Variants in EPHA5 observed in about 807,000 individuals in gnomAD.
EPHA5 encodes the protein ephrin type-A receptor 5.
EPHA5 carries 60 observed loss-of-function variants against 105.0 expected under a neutral mutation model. The ratio of observed to expected loss-of-function variants is 0.57; its 90% CI spans 0.46 to 0.71. The LOEUF is 0.71. Ranked by LOEUF, EPHA5 falls within the 30% of genes least tolerant of loss-of-function variation. The pLI is 0.00. For synonymous variants in EPHA5, 513 were observed against 449.1 expected (o/e 1.14, Z -1.80); for missense variants, 1,218 against 1,274.7 (o/e 0.96, Z 0.68).
At chr4:65,445,500 G>T (rs760650945) in intron 5 of EPHA5, among the ~76,000 whole-genome samples, 28 of 152,076 alleles carry the variant, frequency 1.8e-4, no homozygotes, top group Non-Finnish European at 3.7e-4. Flanking sequence ...TAGTTTCGTA[G>T]TAATGAAGAT....
chr4:65,439,263 T>C (rs1017681291), intron 5 of EPHA5, among the ~76,000 whole-genome samples: 1 of 152,260 alleles, frequency 6.6e-6, no homozygotes, highest in East Asian at 1.9e-4. Flanking sequence ...AAAACTACTT[T>C]ATATTTTGTA....
chr4:65,622,208 T>TATATTACA (rs1745763706), intron 2 of EPHA5, among the ~76,000 whole-genome samples: 1 of 152,148 alleles, frequency 6.6e-6, no homozygotes, highest in African/African-American at 2.4e-5. Flanking sequence ...TTTGGTTTGG[T>TATATTACA]GTTCTCTTCC....
At chr4:65,374,849 G>C (rs1030595000) in intron 8 of EPHA5, among the ~76,000 whole-genome samples, 3 of 151,868 alleles carry the variant, frequency 2.0e-5, no homozygotes, top group African/African-American at 7.2e-5. Context: ...TTGACATGGT[G>C]ATTGGAAATG....
At chr4:65,579,225 A>G (rs923849589) in intron 3 of EPHA5, among the ~76,000 whole-genome samples, 2 of 151,326 alleles carry the variant, frequency 1.3e-5, no homozygotes, top group African/African-American at 2.4e-5. Context: ...TAAAATTTCT[A>G]CTGTCCCATC....
rs537654067 is a variant in EPHA5, at chr4:65,548,526, C to T, written c.911-52983G>A. Reference sequence around the variant, plus strand: ...GAATTAATGCTTAATAAAGTAATGGCTGAGAAATTTTCACACTTGATGAAA... The same window carrying T: ...GAATTAATGCTTAATAAAGTAATGGTTGAGAAATTTTCACACTTGATGAAA... On this transcript the variant is annotated intron_variant, in intron 3 of 16. Transcript: ENST00000613740. Among the ~76,000 whole-genome samples the T allele has an allele frequency of 3.3e-5, 5 of 152,022 alleles. No homozygotes were observed. The East Asian group carries it at 9.7e-4, about 29-fold the overall frequency.
At chr4:65,494,946 C>CAGAGAA (rs1560605657) in intron 4 of EPHA5, among the ~76,000 whole-genome samples, 2 of 149,232 alleles carry the variant, frequency 1.3e-5, no homozygotes, top group Admixed American at 1.3e-4. Context: ...GGAAAACTGG[C>CAGAGAA]AGAGAAAGAG....
chr4:65,419,779 T>G (rs1240281181), intron 6 of EPHA5, among the ~76,000 whole-genome samples: 6 of 152,166 alleles, frequency 3.9e-5, no homozygotes. Flanking sequence ...TATGACTCTT[T>G]CATCAATAGC....
At chr4:65,651,258 A>G (rs1441296802) in intron 1 of EPHA5, among the ~76,000 whole-genome samples, 1 of 152,160 alleles carries the variant, frequency 6.6e-6, no homozygotes, top group Non-Finnish European at 1.5e-5. Context: ...AAATTATATC[A>G]TAGAGTTGTT....
At chr4:65,569,958 T>C (rs1247309482) in intron 3 of EPHA5, among the ~76,000 whole-genome samples, 1 of 151,814 alleles carries the variant, frequency 6.6e-6, no homozygotes, top group African/African-American at 2.4e-5. Context: ...ACAAAATATT[T>C]ACAGTCCTAA....
chr4:65,377,719 C>A (rs1166294057), intron 8 of EPHA5, among the ~76,000 whole-genome samples: 3 of 151,998 alleles, frequency 2.0e-5, no homozygotes, highest in African/African-American at 7.2e-5. Flanking sequence ...GATATTGCAA[C>A]ACTCAAGATT....
At chr4:65,648,638 T>C (rs1002759245) in intron 1 of EPHA5, among the ~76,000 whole-genome samples, 59 of 152,360 alleles carry the variant, frequency 3.9e-4, no homozygotes, top group African/African-American at 1.2e-3. Context: ...GCAGATTATA[T>C]GGCCTTCTCT....
At chr4:65,458,626 G>A (rs1727839311) in intron 5 of EPHA5, among the ~76,000 whole-genome samples, 1 of 151,886 alleles carries the variant, frequency 6.6e-6, no homozygotes, top group South Asian at 2.1e-4. Context: ...AGAGTTACTT[G>A]TATCCATATG....
At chr4:65,391,859 G>T (rs935501202) in intron 8 of EPHA5, among the ~76,000 whole-genome samples, 2 of 152,076 alleles carry the variant, frequency 1.3e-5, no homozygotes, top group African/African-American at 4.8e-5. Flanking sequence ...TAAGTCATTT[G>T]ATTCTTTACT....
At position 65,348,139 on chromosome 4, in the gene EPHA5, G is replaced by A. The variant is rs2148842521; in HGVS notation, c.2510C>T (p.Ala837Val). 6.2e-7 allele frequency: 1 copy of A among 1,613,690 alleles called. No homozygotes were observed. Among genetic ancestry groups the A allele is most frequent in the Non-Finnish European group, 8.5e-7 (1 of 1,179,802 alleles). Reference protein sequence around the residue: ...EAIAFRKFTSASDVWSYGIVM... With the variant: ...EAIAFRKFTSVSDVWSYGIVM... ...TATTCCATAACTCCAGACATCACTGGCAGAAGTAAACTTTCGGAAAGCTAT... is the reference window on the plus strand; with the variant it reads ...TATTCCATAACTCCAGACATCACTGACAGAAGTAAACTTTCGGAAAGCTAT... The change falls in exon 14 of 17, where the codon GCC becomes GTC. Residue 837 changes from alanine (A) to valine (V), a missense_variant. Physicochemically the swap from Ala to Val is moderately conservative, Grantham distance 64. Around this residue, in one of 3 missense-constraint regions of EPHA5, gnomAD observed 971 missense variants for 1,013.5 expected, o/e 0.96. Coordinates refer to ENST00000613740, the MANE Select transcript of EPHA5 (RefSeq NM_001281766.3).
chr4:65,572,199 A>C (rs1317555061), intron 3 of EPHA5, among the ~76,000 whole-genome samples: 1 of 152,124 alleles, frequency 6.6e-6, no homozygotes, highest in Admixed American at 6.5e-5. Flanking sequence ...TCATTTTCTC[A>C]TTAGCTTAAT....
intron 3 of EPHA5, among the ~76,000 whole-genome samples, chr4:65,520,767 T>C (rs923056114): frequency 3.9e-5 from 6 of 152,104 alleles, no homozygotes; most frequent in Middle Eastern, 3.4e-3. Context: ...AAAAGACATA[T>C]GAAAAAATGC....
intron 3 of EPHA5, among the ~76,000 whole-genome samples, chr4:65,562,020 A>G (rs1348506526): frequency 6.6e-6 from 1 of 152,096 alleles, no homozygotes; most frequent in Non-Finnish European, 1.5e-5. Context: ...GATAACCCTG[A>G]TTATCAGAAA....
intron 3 of EPHA5, chr4:65,573,321 G>A: frequency 9.3e-6 from 5 of 535,002 alleles, no homozygotes; most frequent in Non-Finnish European, 9.5e-6. Flanking sequence ...GGAGGCAGGA[G>A]AATGGCGTGA....
chr4:65,496,977 A>G (rs1355917414), intron 3 of EPHA5, among the ~76,000 whole-genome samples: 1 of 152,086 alleles, frequency 6.6e-6, no homozygotes, highest in Non-Finnish European at 1.5e-5. Context: ...TATTCTGTGG[A>G]TTTTCTACAT....
Sources: allele counts gnomAD v4.1 joint callset (sites outside exome capture counted in the v4.1 genomes callset), GRCh38; gene constraint gnomAD v4.1.1; regional missense constraint gnomAD v4.1.1; transcripts MANE v1.5; gene names NCBI Gene and HGNC (gene_info 2026-07-23, HGNC 2026-07-21).